The following ZEB2 variants were observed in gnomAD, a reference collection of about 807,000 sequenced individuals.
The protein encoded by ZEB2 is zinc finger E-box binding homeobox 2.
A neutral mutation model predicts 99.9 loss-of-function variants in ZEB2; 6 were observed. The observed-to-expected ratio is 0.06, with a 90% CI of 0.03 to 0.12. The LOEUF (loss-of-function observed/expected upper bound fraction) is 0.12, where lower values mean the gene tolerates loss of function less well. Among genes scored for constraint, ZEB2 ranks in the 10% least tolerant of loss-of-function variants. ZEB2 has a pLI of 1.00. For synonymous variants in ZEB2, 517 were observed against 542.5 expected (o/e 0.95, Z 0.65); for missense variants, 969 against 1,502.8 (o/e 0.64, Z 5.87).
intron 9 of ZEB2, among the ~76,000 whole-genome samples, chr2:144,392,549 A>T (rs1229125178): frequency 6.6e-6 from 1 of 152,248 alleles, no homozygotes; most frequent in Non-Finnish European, 1.5e-5. Context: ...TGAAAAAATA[A>T]AATGTTCAGT....
chr2:144,509,817 C>T (rs959417267), intron 2 of ZEB2, among the ~76,000 whole-genome samples: 20 of 152,188 alleles, frequency 1.3e-4, no homozygotes. Flanking sequence ...CCATTAACTG[C>T]ATGTTACTTT....
chr2:144,517,709 G>T (rs912600041), intron 1 of ZEB2: 1 of 702,680 alleles, frequency 1.4e-6, no homozygotes, highest in African/African-American at 1.7e-5. Flanking sequence ...TGCACACGGC[G>T]GTACAGTAAG....
intron 9 of ZEB2, among the ~76,000 whole-genome samples, chr2:144,391,234 C>T (rs1223466574): frequency 6.6e-6 from 1 of 152,174 alleles, no homozygotes; most frequent in African/African-American, 2.4e-5. Flanking sequence ...GGGCATGCCA[C>T]TATTCGGAAA....
chr2:144,485,505 C>T (rs1704581589), intron 2 of ZEB2, among the ~76,000 whole-genome samples: 1 of 152,162 alleles, frequency 6.6e-6, no homozygotes, highest in Non-Finnish European at 1.5e-5. Context: ...TGAGCAGAAA[C>T]ATTTACATAC....
chr2:144,495,134 G>A (rs372861738), intron 2 of ZEB2: 1 of 152,138 alleles, frequency 6.6e-6, no homozygotes, highest in East Asian at 1.9e-4. Flanking sequence ...AGTTAAACTA[G>A]TCTATGCAGG....
intron 6 of ZEB2, among the ~76,000 whole-genome samples, chr2:144,403,490 T>C (rs1703340117): frequency 6.6e-6 from 1 of 152,124 alleles, no homozygotes. Context: ...AGGTGTTATA[T>C]GAAAAATGAA....
intron 2 of ZEB2, among the ~76,000 whole-genome samples, chr2:144,440,511 ATATATTTTTTTTTTTTTT>A (rs1277764073): frequency 0.025 from 749 of 30,126 alleles, 15 homozygotes; most frequent in Non-Finnish European, 0.028. Context: ...ATATATATAT[ATATATTTTTTTTTTTTTT>A]TTTTTTTTTT....
chr2:144,411,121 TATACACAC>T (rs1414929492), intron 4 of ZEB2, among the ~76,000 whole-genome samples: 2 of 106,678 alleles, frequency 1.9e-5, no homozygotes, highest in Non-Finnish European at 3.8e-5. Context: ...GCATCTCATA[TATACACAC>T]ACACACACAC....
intron 1 of ZEB2, chr2:144,518,316 A>AT (rs1157661580): frequency 6.6e-6 from 1 of 151,990 alleles, no homozygotes; most frequent in Admixed American, 6.6e-5. Context: ...GAGGCGCTGC[A>AT]TTTTTTCAGT....
chr2:144,456,990 T>C (rs1323379119), intron 2 of ZEB2, among the ~76,000 whole-genome samples: 1 of 152,090 alleles, frequency 6.6e-6, no homozygotes. Flanking sequence ...TCCACCACTG[T>C]CCTGGCCAGA....
chr2:144,397,574 A>C (rs991999555), intron 8 of ZEB2, among the ~76,000 whole-genome samples: 2 of 152,242 alleles, frequency 1.3e-5, no homozygotes, highest in African/African-American at 2.4e-5. Context: ...AAAATAAACC[A>C]TTCTCTGTAA....
At chr2:144,424,214 C>T in intron 4 of ZEB2, 1 of 351,134 alleles carries the variant, frequency 2.8e-6, no homozygotes, top group South Asian at 2.3e-5. Context: ...AATTTTTTAG[C>T]TTCATTAAAA....
At chr2:144,410,558 C>T (rs1388959856) in intron 4 of ZEB2, among the ~76,000 whole-genome samples, 1 of 152,136 alleles carries the variant, frequency 6.6e-6, no homozygotes, top group Non-Finnish European at 1.5e-5. Flanking sequence ...CTTTAGAATA[C>T]TTTCTCAAAG....
chr2:144,394,421 G>A (rs1703194345), intron 9 of ZEB2: 1 of 152,074 alleles, frequency 6.6e-6, no homozygotes, highest in Admixed American at 6.5e-5. Flanking sequence ...GTTTGCATAT[G>A]GTCATATAAT....
chr2:144,424,281 G>A, intron 4 of ZEB2: 1 of 479,820 alleles, frequency 2.1e-6, no homozygotes, highest in Non-Finnish European at 4.1e-6. Flanking sequence ...ATTTAAAAGG[G>A]CTCAAGGATG....
Position 144,395,678 on chromosome 2 carries a change from T to G in ZEB2, c.3067+734A>C, listed in dbSNP as rs79839677. Among the ~76,000 whole-genome samples the G allele has an allele frequency of 9.7e-3, 1,480 of 152,258 alleles. 22 individuals are homozygous for G. Among genetic ancestry groups the G allele is most frequent in the African/African-American group, 0.034 (1,418 of 41,528 alleles). On this transcript the variant is annotated intron_variant, in intron 9 of 9. Coordinates refer to ENST00000627532, the MANE Select transcript of ZEB2 (RefSeq NM_014795.4). ...AACCATAGAGCTGCAGATCTTGGAT[T>G]GTGGGAAGTAATATTAAATTACATA...
intron 4 of ZEB2, among the ~76,000 whole-genome samples, chr2:144,413,554 A>G (rs3755090): frequency 0.18 from 27,728 of 152,174 alleles, 2,762 homozygotes; most frequent in South Asian, 0.29. Flanking sequence ...CCTTATTTTT[A>G]AAAACTCAAT....
intron 3 of ZEB2, 62 bp from the exon 4 acceptor site, chr2:144,424,929 G>T: frequency 6.6e-7 from 1 of 1,524,658 alleles, no homozygotes; most frequent in South Asian, 1.1e-5. Context: ...TACTAAGCAT[G>T]CCAAGCACAG....
intron 2 of ZEB2, among the ~76,000 whole-genome samples, chr2:144,450,637 T>C (rs371785280): frequency 1.3e-5 from 2 of 152,166 alleles, no homozygotes; most frequent in East Asian, 1.9e-4. Flanking sequence ...GGCTTACAAC[T>C]GCATGTTACT....
Sources: allele counts gnomAD v4.1 joint callset (sites outside exome capture counted in the v4.1 genomes callset), GRCh38; gene constraint gnomAD v4.1.1; transcripts MANE v1.5; gene names NCBI Gene and HGNC (gene_info 2026-07-23, HGNC 2026-07-21).